FRMD3: variants seen among roughly 807,000 people sequenced by gnomAD.
The protein encoded by FRMD3 is FERM domain containing 3, also known as FERM domain-containing protein 3.
Under a neutral mutation model 70.2 loss-of-function variants are expected in FRMD3, and 33 were observed. The ratio of observed to expected loss-of-function variants is 0.47; its 90% CI spans 0.36 to 0.63. FRMD3 has a LOEUF of 0.63. Among genes scored for constraint, FRMD3 ranks in the 20% least tolerant of loss-of-function variants. FRMD3 has a pLI of 0.00. For missense variants in FRMD3, 632 were observed against 711.4 expected (o/e 0.89, Z 1.27); for synonymous variants, 279 against 255.9 (o/e 1.09, Z -0.86).
At chr9:83,402,238 C>A (rs188793254) in intron 1 of FRMD3, among the ~76,000 whole-genome samples, 1 of 148,790 alleles carries the variant, frequency 6.7e-6, no homozygotes, top group Admixed American at 6.8e-5. Context: ...GAATTCTTAA[C>A]GCCCCAGGAG....
intron 2 of FRMD3, among the ~76,000 whole-genome samples, chr9:83,388,415 C>A (rs1825571846): frequency 6.6e-6 from 1 of 152,114 alleles, no homozygotes; most frequent in Non-Finnish European, 1.5e-5. Context: ...CAGGTGACCC[C>A]TTCACACACT....
rs75414293 is a variant in FRMD3 at position 83,405,379 on chromosome 9, T to C, written c.148-15671A>G. On this transcript the variant is annotated intron_variant, in intron 1 of 13. Coordinates refer to ENST00000304195, the MANE Select transcript of FRMD3 (RefSeq NM_174938.6). ...TGTCCCAGGGCTTACAGTGATCCAC[T>C]TACATCTGAACCCAATCAGCTGGGT... Among the ~76,000 whole-genome samples the C allele has an allele frequency of 2.2e-3, 331 of 152,168 alleles. 4 individuals are homozygous for C. The highest frequency in any genetic ancestry group is 2.5e-3 in the East Asian group (13 of 5,158).
chr9:83,306,446 A>C (rs1380429256), intron 10 of FRMD3, among the ~76,000 whole-genome samples: 1 of 151,958 alleles, frequency 6.6e-6, no homozygotes, highest in African/African-American at 2.4e-5. Context: ...CCTTGTAGCC[A>C]CTCATGTCCC....
intron 3 of FRMD3, among the ~76,000 whole-genome samples, chr9:83,371,386 T>G (rs1824967314): frequency 6.6e-6 from 1 of 151,902 alleles, no homozygotes; most frequent in Non-Finnish European, 1.5e-5. Flanking sequence ...GCATGATCTC[T>G]GCTCACTGCA....
chr9:83,361,869 AGGACT>A (rs990825113), intron 3 of FRMD3, among the ~76,000 whole-genome samples: 4 of 152,176 alleles, frequency 2.6e-5, no homozygotes, highest in Non-Finnish European at 5.9e-5. Flanking sequence ...AGGAAGGCCA[AGGACT>A]GCAGGAAACC....
the FRMD3 span, among the ~76,000 whole-genome samples, chr9:83,579,510 G>T: frequency 2.6e-5 from 4 of 152,044 alleles, no homozygotes; most frequent in African/African-American, 9.6e-5. Context: ...TTTGACAAAG[G>T]TTCCAAGAAC....
chr9:83,347,736 A>G (rs1283338717), intron 4 of FRMD3, among the ~76,000 whole-genome samples: 1 of 152,224 alleles, frequency 6.6e-6, no homozygotes, highest in Non-Finnish European at 1.5e-5. Context: ...TCTTATAATA[A>G]AATAACAATT....
At chr9:83,392,451 A>G (rs561983977) in intron 1 of FRMD3, among the ~76,000 whole-genome samples, 17 of 152,314 alleles carry the variant, frequency 1.1e-4, no homozygotes, top group African/African-American at 3.8e-4. Context: ...AGTCAGGTGC[A>G]TGAGGGGCAG....
intron 6 of FRMD3, among the ~76,000 whole-genome samples, chr9:83,333,276 C>T (rs1246322925): frequency 6.6e-6 from 1 of 152,206 alleles, no homozygotes; most frequent in Non-Finnish European, 1.5e-5. Context: ...GCATACAACT[C>T]CCAACTCTTC....
At chr9:83,577,359 A>G in the FRMD3 span, among the ~76,000 whole-genome samples, 1 of 152,112 alleles carries the variant, frequency 6.6e-6, no homozygotes, top group South Asian at 2.1e-4. Flanking sequence ...ATAAGAATAG[A>G]CATGTAGATC....
At chr9:83,313,609 CT>C in intron 7 of FRMD3, 50 bp downstream of exon 7, 2 of 1,451,986 alleles carry the variant, frequency 1.4e-6, no homozygotes, top group Non-Finnish European at 1.9e-6. Flanking sequence ...GATAAACTCT[CT>C]TTTGGGCAAA....
the FRMD3 span, among the ~76,000 whole-genome samples, chr9:83,555,011 G>T: frequency 8.5e-5 from 13 of 152,208 alleles, no homozygotes; most frequent in Non-Finnish European, 1.8e-4. Context: ...TTGTCCCAGG[G>T]AGGTACAAAC....
chr9:83,445,034 C>T (rs1047820642), intron 1 of FRMD3, among the ~76,000 whole-genome samples: 3 of 152,072 alleles, frequency 2.0e-5, no homozygotes, highest in African/African-American at 4.8e-5. Context: ...AGACTTTACT[C>T]GGCACCACCT....
In FRMD3 at chr9:83,272,020, G is replaced by A. The variant is rs73479761; in HGVS notation, c.1195+18583C>T. ...AAGGAAAGCCAACAAGCATGATTGT[G>A]ACTCAAGATAGTTGCTCTTGTTAAG... is the stretch of plus-strand genomic sequence containing the variant. On this transcript the variant is annotated intron_variant, in intron 13 of 13. Transcript: ENST00000304195. 3.8e-3 allele frequency among the ~76,000 whole-genome samples: 573 copies of A among 152,240 alleles called. 5 individuals carry two copies. Among genetic ancestry groups the A allele is most frequent in the African/African-American group, 0.013 (544 of 41,546 alleles).
intron 1 of FRMD3, among the ~76,000 whole-genome samples, chr9:83,480,307 A>G (rs1828536844): frequency 6.6e-6 from 1 of 152,180 alleles, no homozygotes; most frequent in Non-Finnish European, 1.5e-5. Flanking sequence ...GAATTGTAAC[A>G]ATATATTGTA....
chr9:83,268,631 A>G (rs1344274137), intron 13 of FRMD3, among the ~76,000 whole-genome samples: 2 of 152,236 alleles, frequency 1.3e-5, no homozygotes, highest in Non-Finnish European at 2.9e-5. Context: ...GCATCTTTAT[A>G]TAAATGGTGT....
chr9:83,543,473 C>T (rs969235371), upstream of FRMD3, among the ~76,000 whole-genome samples: 1 of 152,102 alleles, frequency 6.6e-6, no homozygotes, highest in African/African-American at 2.4e-5. Flanking sequence ...CTGTCAGCAA[C>T]CCCCAAATTT....
intron 1 of FRMD3, among the ~76,000 whole-genome samples, chr9:83,440,575 G>T (rs967764698): frequency 2.0e-5 from 3 of 152,172 alleles, no homozygotes; most frequent in Non-Finnish European, 4.4e-5. Context: ...ATGATCACAG[G>T]ACGAGGGGCA....
At chr9:83,389,788 T>G (rs552222485) in intron 1 of FRMD3, 80 bp from the exon 2 acceptor site, 2 of 930,536 alleles carry the variant, frequency 2.1e-6, no homozygotes, top group Non-Finnish European at 3.5e-6. Context: ...TTCACCACCA[T>G]GGGTCTATGT....
Sources: gnomAD v4.1 joint callset for allele counts (sites outside exome capture counted in the v4.1 genomes callset) on GRCh38, gnomAD v4.1.1 for gene constraint, MANE v1.5 for transcripts, NCBI Gene and HGNC (gene_info 2026-07-23, HGNC 2026-07-21) for gene names.